The following SNTB1 variants were observed in gnomAD, a reference collection of about 807,000 sequenced individuals.
SNTB1 encodes the protein syntrophin beta 1, also known as beta-1-syntrophin.
A neutral mutation model predicts 48.9 loss-of-function variants in SNTB1; 36 were observed. The observed-to-expected ratio is 0.74, with a 90% CI of 0.56 to 0.97. The LOEUF is 0.97. Ranked by LOEUF, SNTB1 falls within the 50% of genes least tolerant of loss-of-function variation. The pLI is 0.00. For synonymous variants in SNTB1, 299 were observed against 294.6 expected (o/e 1.01, Z -0.15); for missense variants, 786 against 703.4 (o/e 1.12, Z -1.33).
chr8:120,682,887 T>G (rs997484189), intron 2 of SNTB1, among the ~76,000 whole-genome samples: 7 of 149,338 alleles, frequency 4.7e-5, no homozygotes, highest in Admixed American at 3.3e-4. Flanking sequence ...TTAGTTTTTT[T>G]TTTTTTTTTT....
At chr8:120,654,723 T>C (rs1817470480) in intron 2 of SNTB1, among the ~76,000 whole-genome samples, 1 of 152,218 alleles carries the variant, frequency 6.6e-6, no homozygotes, top group African/African-American at 2.4e-5. Context: ...CCTCTTGCTC[T>C]CTCAAAGGCT....
intron 2 of SNTB1, among the ~76,000 whole-genome samples, chr8:120,685,755 C>G (rs1253228255): frequency 6.6e-6 from 1 of 152,160 alleles, no homozygotes; most frequent in East Asian, 1.9e-4. Context: ...AGTGTTGCAT[C>G]TCTTTTGATT....
intron 4 of SNTB1, among the ~76,000 whole-genome samples, chr8:120,550,920 A>G (rs1429213382): frequency 1.3e-5 from 2 of 152,218 alleles, no homozygotes; most frequent in Admixed American, 1.3e-4. Flanking sequence ...TTCAAAAAAA[A>G]GTTTTTAGAC....
At chr8:120,620,276 C>T (rs1228714598) in intron 3 of SNTB1, among the ~76,000 whole-genome samples, 2 of 152,134 alleles carry the variant, frequency 1.3e-5, no homozygotes, top group African/African-American at 2.4e-5. Context: ...CTGTGCCAGC[C>T]ATTATACAAA....
chr8:120,619,376 C>A (rs1327194938), intron 3 of SNTB1, among the ~76,000 whole-genome samples: 1 of 151,900 alleles, frequency 6.6e-6, no homozygotes, highest in African/African-American at 2.4e-5. Flanking sequence ...TTTCAGGGAA[C>A]TTGGAATTGA....
chr8:120,615,045 G>A (rs1023185504), intron 3 of SNTB1, among the ~76,000 whole-genome samples: 6 of 150,716 alleles, frequency 4.0e-5, no homozygotes, highest in African/African-American at 1.5e-4. Flanking sequence ...CAGCTACTCA[G>A]GAGGCTAAGG....
At chr8:120,796,431 G>A (rs563064033) in intron 1 of SNTB1, among the ~76,000 whole-genome samples, 36 of 151,946 alleles carry the variant, frequency 2.4e-4, no homozygotes, top group Admixed American at 5.2e-4. Flanking sequence ...TGAATTTTGG[G>A]GTGACACAGT....
chr8:120,575,059 T>C, intron 4 of SNTB1, 27 bp downstream of exon 4: 1 of 1,613,980 alleles, frequency 6.2e-7, no homozygotes, highest in Non-Finnish European at 8.5e-7. Flanking sequence ...TGCAAACACA[T>C]CATACCAAAC....
chr8:120,630,497 G>A (rs1441464132), intron 3 of SNTB1, among the ~76,000 whole-genome samples: 3 of 152,102 alleles, frequency 2.0e-5, no homozygotes, highest in Non-Finnish European at 4.4e-5. Flanking sequence ...AATTATTCCT[G>A]CATTAAATCC....
chr8:120,683,777 C>CT (rs1817979486), intron 2 of SNTB1, among the ~76,000 whole-genome samples: 1 of 152,156 alleles, frequency 6.6e-6, no homozygotes, highest in African/African-American at 2.4e-5. Context: ...CTCCTGGACT[C>CT]TGAGTACAGA....
At chr8:120,594,246 G>C (rs1469082029) in intron 3 of SNTB1, among the ~76,000 whole-genome samples, 1 of 151,762 alleles carries the variant, frequency 6.6e-6, no homozygotes, top group Non-Finnish European at 1.5e-5. Flanking sequence ...ATGTATGTAT[G>C]TATGTTTTGA....
chr8:120,748,989 G>A (rs73323144), intron 1 of SNTB1, among the ~76,000 whole-genome samples: 4,558 of 152,226 alleles, frequency 0.03, 214 homozygotes, highest in African/African-American at 0.1. Flanking sequence ...TACAGGCAAC[G>A]GGTAGTATGA....
chr8:120,642,962 G>A (rs935883220), intron 2 of SNTB1, among the ~76,000 whole-genome samples: 4 of 152,198 alleles, frequency 2.6e-5, no homozygotes, highest in Non-Finnish European at 5.9e-5. Flanking sequence ...TTATCTCACA[G>A]TATCTGTAGG....
chr8:120,561,341 G>GAAA (rs1382556427), intron 4 of SNTB1, among the ~76,000 whole-genome samples: 1 of 67,384 alleles, frequency 1.5e-5, no homozygotes, highest in African/African-American at 4.5e-5. Context: ...AAAAAAAAAA[G>GAAA]AAAAAAAGAA....
At position 120,744,121 on chromosome 8, in the gene SNTB1, A is replaced by ATT. The variant is rs35604534; in HGVS notation, c.572-50215_572-50214dup. On this transcript the variant is annotated intron_variant, in intron 1 of 6. Coordinates refer to ENST00000517992, the MANE Select transcript of SNTB1 (RefSeq NM_021021.4). Reference sequence around the variant, plus strand: ...CTCAAGCCTGGGTGACCCTGTCTCAATTTTTTTTTTTTTTTGCAAGGGAAT... The same window carrying ATT: ...CTCAAGCCTGGGTGACCCTGTCTCAATTTTTTTTTTTTTTTTTGCAAGGGAAT... 1.7e-3 allele frequency among the ~76,000 whole-genome samples: 230 copies of ATT among 136,122 alleles called. 5 individuals carry two copies. The highest frequency in any genetic ancestry group is 8.5e-3 in the East Asian group (37 of 4,374). The allele number at this position is 136,122 out of a possible 152,430, so 89.3% of individuals were successfully genotyped here. A position where few individuals can be genotyped will look rare whatever the true frequency, so the allele number is the denominator to read the frequency against.
chr8:120,603,247 G>T (rs1816453035), intron 3 of SNTB1, among the ~76,000 whole-genome samples: 1 of 152,016 alleles, frequency 6.6e-6, no homozygotes, highest in South Asian at 2.1e-4. Context: ...GACTACAGGT[G>T]CGCCACCATG....
chr8:120,617,087 C>T (rs1816726030), intron 3 of SNTB1, among the ~76,000 whole-genome samples: 1 of 152,194 alleles, frequency 6.6e-6, no homozygotes, highest in Non-Finnish European at 1.5e-5. Context: ...GTGTTGAAAA[C>T]ATTATGAGTT....
intron 3 of SNTB1, 95 bp from the exon 4 acceptor site, chr8:120,575,320 A>C (rs571757174): frequency 6.5e-6 from 9 of 1,393,248 alleles, no homozygotes; most frequent in Non-Finnish European, 9.0e-6. Flanking sequence ...TCAGCAATAC[A>C]TTGAGTGTCT....
chr8:120,562,484 G>A (rs149396045), intron 4 of SNTB1, among the ~76,000 whole-genome samples: 2 of 152,144 alleles, frequency 1.3e-5, no homozygotes, highest in Non-Finnish European at 2.9e-5. Context: ...AGATCACTAG[G>A]TATATGGGGA....
Sources: allele counts gnomAD v4.1 joint callset (sites outside exome capture counted in the v4.1 genomes callset), GRCh38; gene constraint gnomAD v4.1.1; transcripts MANE v1.5; gene names NCBI Gene and HGNC (gene_info 2026-07-23, HGNC 2026-07-21).